The following RFTN1 variants were observed in gnomAD, a reference collection of about 807,000 sequenced individuals.
RFTN1 encodes raftlin.
In RFTN1, 26 loss-of-function variants were observed where a neutral mutation model predicts 46.5. The observed-to-expected ratio is 0.56, with a 90% CI of 0.41 to 0.78. The LOEUF (loss-of-function observed/expected upper bound fraction) is 0.78, where lower values mean the gene tolerates loss of function less well. Ranked by LOEUF, RFTN1 falls within the 30% of genes least tolerant of loss-of-function variation. RFTN1 has a pLI of 0.00. For synonymous variants in RFTN1, 261 were observed against 284.2 expected, an observed-to-expected ratio of 0.92 and a Z score of 0.82; for missense variants, 693 against 718.7, an observed-to-expected ratio of 0.96 and a Z score of 0.41.
At position 16,422,103 on chromosome 3, in the gene RFTN1, C is replaced by T. The variant is rs1002459441; in HGVS notation, c.332+11748G>A. On this transcript the variant is annotated intron_variant, in intron 3 of 9. Coordinates refer to ENST00000334133, the MANE Select transcript of RFTN1 (RefSeq NM_015150.2). This position sits in a 1 kb window ranked among gnomAD's most constrained non-coding sequence, Gnocchi z 4.6. ...AAATATGTCTACCCCACTTTGGTAA[C>T]CACTGTTTAGATAGTACATAGAATT... Among the ~76,000 whole-genome samples, 1 of 152,142 alleles carries T rather than the reference C, an allele frequency of 6.6e-6. No individual in the cohort carries two copies. Among genetic ancestry groups the T allele is most frequent in the Non-Finnish European group, 1.5e-5 (1 of 68,032 alleles).
At chr3:16,430,081 C>T (rs1055366646) in intron 3 of RFTN1, among the ~76,000 whole-genome samples, 2 of 151,982 alleles carry the variant, frequency 1.3e-5, no homozygotes, top group Non-Finnish European at 2.9e-5. Context: ...TACTTAAACT[C>T]CCTATTGATA....
At chr3:16,469,867 C>T (rs1375045122) in intron 2 of RFTN1, among the ~76,000 whole-genome samples, 2 of 152,236 alleles carry the variant, frequency 1.3e-5, no homozygotes, top group Non-Finnish European at 2.9e-5. Flanking sequence ...TTTCTGTTGA[C>T]ACAGGGACAT....
At position 16,468,445 on chromosome 3, in the gene RFTN1, G is replaced by C. The variant is rs1013549039; in HGVS notation, c.145+25280C>G. On this transcript the variant is annotated intron_variant, in intron 2 of 9. Coordinates refer to ENST00000334133, the MANE Select transcript of RFTN1 (RefSeq NM_015150.2). The surrounding 1 kb of genome is among the most constrained non-coding windows in gnomAD (Gnocchi z 4.4). ...GCATCAGATCCTAACAACACTGACA[G>C]AGTGAAGGGCACGTTTCTCCCTTTG... is the stretch of plus-strand genomic sequence containing the variant. Among the ~76,000 whole-genome samples, 3 of 152,152 alleles carry C rather than the reference G, an allele frequency of 2.0e-5. No individual in the cohort carries two copies. The highest frequency in any genetic ancestry group is 2.9e-5 in the Non-Finnish European group (2 of 68,032).
chr3:16,316,714 C>T lies in RFTN1; in HGVS notation c.*114G>A. On this transcript the variant is annotated 3_prime_UTR_variant, in exon 10 of 10. Transcript: ENST00000334133. The surrounding 1 kb of genome is among the most constrained non-coding windows in gnomAD (Gnocchi z 4.5). The stretch of plus-strand genomic sequence containing the variant: ...GTGAGCTCACAAGGAGAGGTCAAGC[C>T]AAGCCAAAGGGTAGGTAACACACAA... The T allele has an allele frequency of 7.5e-7, 1 of 1,332,836 alleles. No homozygotes were observed. Among genetic ancestry groups the T allele is most frequent in the East Asian group, 2.3e-5 (1 of 43,540 alleles). The allele number at this position is 1,332,836 out of a possible 1,614,324, so 82.6% of individuals were successfully genotyped here.
intron 4 of RFTN1, among the ~76,000 whole-genome samples, chr3:16,397,183 A>G (rs1003835701): frequency 2.0e-5 from 3 of 152,244 alleles, no homozygotes; most frequent in Non-Finnish European, 4.4e-5. Context: ...GCCTTAAAAA[A>G]TATCTTGCCA....
rs1575207349 is a variant in RFTN1 at position 16,316,639 on chromosome 3, G to A, written c.*189C>T. On this transcript the variant is annotated 3_prime_UTR_variant, in exon 10 of 10. Coordinates refer to ENST00000334133, the MANE Select transcript of RFTN1 (RefSeq NM_015150.2). The surrounding 1 kb of genome is among the most constrained non-coding windows in gnomAD (Gnocchi z 4.5). The stretch of plus-strand genomic sequence containing the variant: ...GGGTCATTAATGACACCTTTCCAGT[G>A]GATGTGCAAAAACCAACACTGTCAG... The A allele has an allele frequency of 1.5e-6, 1 of 685,452 alleles. No homozygotes were observed. The highest frequency in any genetic ancestry group is 1.7e-5 in the South Asian group (1 of 58,054). The allele number at this position is 685,452 out of a possible 1,614,324, so 42.5% of individuals were successfully genotyped here.
Position 16,344,194 on chromosome 3 carries a change from A to G in RFTN1, c.1146+13738T>C, listed in dbSNP as rs1000600521. Among the ~76,000 whole-genome samples the G allele has an allele frequency of 6.6e-6, 1 of 152,226 alleles. No homozygotes were observed. Among genetic ancestry groups the G allele is most frequent in the Non-Finnish European group, 1.5e-5 (1 of 68,046 alleles). Reference sequence around the variant, plus strand: ...TTAAATACAATTTGTTGATACTTAAATGTATTCCTATTACATTTTATTGGG... The same window carrying G: ...TTAAATACAATTTGTTGATACTTAAGTGTATTCCTATTACATTTTATTGGG... On this transcript the variant is annotated intron_variant, in intron 7 of 9. Coordinates refer to ENST00000334133, the MANE Select transcript of RFTN1 (RefSeq NM_015150.2). The surrounding 1 kb of genome is among the most constrained non-coding windows in gnomAD (Gnocchi z 4.4).
At chr3:16,503,377 T>G (rs1263338830) in intron 1 of RFTN1, among the ~76,000 whole-genome samples, 1 of 152,220 alleles carries the variant, frequency 6.6e-6, no homozygotes, top group Non-Finnish European at 1.5e-5. Context: ...AACCCTGAGC[T>G]GTGGCAGTGG....
rs116060536 is a variant in RFTN1 at position 16,383,661 on chromosome 3, A to G, written c.442-5559T>C. Among the ~76,000 whole-genome samples, 2,493 of 152,318 alleles carry G rather than the reference A, an allele frequency of 0.016. 40 individuals carry two copies. Among genetic ancestry groups the G allele is most frequent in the Middle Eastern group, 0.048 (14 of 294 alleles). On this transcript the variant is annotated intron_variant, in intron 4 of 9. Transcript: ENST00000334133. The surrounding 1 kb of genome is among the most constrained non-coding windows in gnomAD (Gnocchi z 4.0). Reference sequence around the variant, plus strand: ...GCGATATATACTCTATGTGCATGCGAATATACGTATTTGTGATTTAGAGTA... The same window carrying G: ...GCGATATATACTCTATGTGCATGCGGATATACGTATTTGTGATTTAGAGTA...
chr3:16,395,549 G>A (rs1402141459), intron 4 of RFTN1, among the ~76,000 whole-genome samples: 1 of 151,818 alleles, frequency 6.6e-6, no homozygotes, highest in Admixed American at 6.6e-5. Flanking sequence ...GGAATCAAGA[G>A]ATCCACCCCC....
chr3:16,420,014 C>T (rs2075155358), intron 3 of RFTN1, among the ~76,000 whole-genome samples: 1 of 152,216 alleles, frequency 6.6e-6, no homozygotes, highest in African/African-American at 2.4e-5. Context: ...ATCTAACTAT[C>T]CGACCCTGCT....
At chr3:16,378,573 T>C (rs965224754) in intron 4 of RFTN1, among the ~76,000 whole-genome samples, 1 of 152,232 alleles carries the variant, frequency 6.6e-6, no homozygotes, top group Non-Finnish European at 1.5e-5. Flanking sequence ...AGATGGCATT[T>C]TATGGCCCAA....
intron 3 of RFTN1, 128 bp from the exon 4 acceptor site, chr3:16,409,611 G>A (rs986625776): frequency 1.7e-4 from 103 of 591,352 alleles, no homozygotes; most frequent in African/African-American, 1.3e-3. Context: ...CCCACCTCCC[G>A]GGTTCAAGCA....
rs1402854353 is a variant in RFTN1, at chr3:16,460,733, T to C, written c.146-26696A>G. On this transcript the variant is annotated intron_variant, in intron 2 of 9. Transcript: ENST00000334133. The surrounding 1 kb of genome is among the most constrained non-coding windows in gnomAD (Gnocchi z 4.8). Reference sequence around the variant, plus strand: ...GACGTCACTTGAGCCTCATTTTCCATGCCAAAATTCAGGATTTAAGGTCTA... The same window carrying C: ...GACGTCACTTGAGCCTCATTTTCCACGCCAAAATTCAGGATTTAAGGTCTA... 6.6e-6 allele frequency among the ~76,000 whole-genome samples: 1 copy of C among 152,194 alleles called. No individual in the cohort carries two copies. The highest frequency in any genetic ancestry group is 2.4e-5 in the African/African-American group (1 of 41,444).
At position 16,349,161 on chromosome 3, in the gene RFTN1, T is replaced by C. The variant is rs2071926092; in HGVS notation, c.1146+8771A>G. On this transcript the variant is annotated intron_variant, in intron 7 of 9. Coordinates refer to ENST00000334133, the MANE Select transcript of RFTN1 (RefSeq NM_015150.2). ...ACTGTATAAACTAAGCTTTTCTCTGTGACGTTCCTAACAGCAGAAGAGTAC... is the reference window on the plus strand; with the variant it reads ...ACTGTATAAACTAAGCTTTTCTCTGCGACGTTCCTAACAGCAGAAGAGTAC... 2 of 152,200 alleles carry C rather than the reference T, an allele frequency of 1.3e-5. 1 individual carries two copies. Among genetic ancestry groups the C allele is most frequent in the South Asian group, 4.1e-4 (2 of 4,830 alleles). The allele number at this position is 152,200 out of a possible 1,614,324, so 9.4% of individuals were successfully genotyped here.
intron 7 of RFTN1, among the ~76,000 whole-genome samples, chr3:16,357,123 AAAAAAC>A (rs969157196): frequency 2.0e-4 from 16 of 81,958 alleles, no homozygotes; most frequent in Non-Finnish European, 1.5e-4. Flanking sequence ...TCAAAAAAAA[AAAAAAC>A]AAAAAAACAA....
intron 1 of RFTN1, among the ~76,000 whole-genome samples, chr3:16,510,729 G>A (rs752974678): frequency 6.6e-6 from 1 of 152,172 alleles, no homozygotes; most frequent in Non-Finnish European, 1.5e-5. Flanking sequence ...TTCTTTTCAG[G>A]TTTCCATATA....
intron 6 of RFTN1, among the ~76,000 whole-genome samples, chr3:16,359,670 G>C (rs1320588179): frequency 6.6e-6 from 1 of 152,214 alleles, no homozygotes; most frequent in East Asian, 1.9e-4. Context: ...CCAGAACTGA[G>C]AGAAAATAAG....
In RFTN1 at chr3:16,450,864, T is replaced by C. The variant is rs2075811987; in HGVS notation, c.146-16827A>G. Among the ~76,000 whole-genome samples the C allele has an allele frequency of 6.6e-6, 1 of 152,006 alleles. No homozygotes were observed. The highest frequency in any genetic ancestry group is 2.4e-5 in the African/African-American group (1 of 41,366). ...AGGGATGGCAAAGACAGCTCCTAGG[T>C]CTCTGGTTTGCATGGACCTGAACAG... is the stretch of plus-strand genomic sequence containing the variant. On this transcript the variant is annotated intron_variant, in intron 2 of 9. Transcript: ENST00000334133. The surrounding 1 kb of genome is among the most constrained non-coding windows in gnomAD (Gnocchi z 4.6).
Sources: allele counts gnomAD v4.1 joint callset (sites outside exome capture counted in the v4.1 genomes callset), GRCh38; gene constraint gnomAD v4.1.1; non-coding constraint Gnocchi (gnomAD v3.1); transcripts MANE v1.5; gene names NCBI Gene and HGNC (gene_info 2026-07-23, HGNC 2026-07-21).